Variants in AIF1L observed in about 807,000 individuals in gnomAD.
AIF1L encodes allograft inflammatory factor 1 like.
A neutral mutation model predicts 20.7 loss-of-function variants in AIF1L; 12 were observed. That is an observed-to-expected ratio of 0.58 (90% CI 0.37 to 0.94). AIF1L has a LOEUF of 0.94. Among genes scored for constraint, AIF1L ranks in the 40% least tolerant of loss-of-function variants. The probability of loss-of-function intolerance (pLI) is 0.01; values close to 1 mark genes in which losing one functional copy is unlikely to be tolerated. For missense variants in AIF1L, 173 were observed against 185.3 expected, an observed-to-expected ratio of 0.93 and a Z score of 0.39; for synonymous variants, 76 against 65.1, an observed-to-expected ratio of 1.17 and a Z score of -0.81.
chr9:131,118,195 T>C (rs1307173657), intron 5 of AIF1L, among the ~76,000 whole-genome samples: 2 of 152,008 alleles, frequency 1.3e-5, no homozygotes, highest in Non-Finnish European at 2.9e-5. Flanking sequence ...TGGGTTCAAG[T>C]GATTCTTCTG....
In AIF1L at chr9:131,121,029, G is replaced by A. The variant is rs1831125198; in HGVS notation, c.*707G>A. 1.4e-6 allele frequency: 1 copy of A among 689,744 alleles called. No individual in the cohort carries two copies. Among genetic ancestry groups the A allele is most frequent in the Admixed American group, 2.1e-5 (1 of 47,526 alleles). The allele number at this position is 689,744 out of a possible 1,614,324, so 42.7% of individuals were successfully genotyped here. A position where few individuals can be genotyped will look rare whatever the true frequency, so the allele number is the denominator to read the frequency against. On this transcript the variant is annotated 3_prime_UTR_variant, in exon 6 of 6. Coordinates refer to ENST00000247291, the MANE Select transcript of AIF1L (RefSeq NM_031426.4). ...GCGTGCAGCCCTACTGTCCCTTACT[G>A]GGGCAGCAGAGGGCTTCGGAGGCAG...
At chr9:131,110,686 A>G (rs528438429) in intron 2 of AIF1L, among the ~76,000 whole-genome samples, 3 of 151,516 alleles carry the variant, frequency 2.0e-5, no homozygotes, top group African/African-American at 4.8e-5. Flanking sequence ...GTATTTTTAT[A>G]GAGACGGGGT....
intron 4 of AIF1L, among the ~76,000 whole-genome samples, chr9:131,115,713 C>CCTGTAATCCCAG (rs1468375056): frequency 6.6e-6 from 1 of 151,630 alleles, no homozygotes; most frequent in Non-Finnish European, 1.5e-5. Flanking sequence ...GTGTCTCACG[C>CCTGTAATCCCAG]CTGTAATCCC....
intron 2 of AIF1L, 33 bp downstream of exon 2, chr9:131,096,896 C>T: frequency 1.3e-6 from 2 of 1,505,634 alleles, no homozygotes; most frequent in East Asian, 2.8e-5. Context: ...CACGCGAGTC[C>T]CGAGCCGCGC....
intron 2 of AIF1L, among the ~76,000 whole-genome samples, chr9:131,101,281 A>G (rs1199584605): frequency 3.9e-5 from 6 of 152,174 alleles, no homozygotes; most frequent in Non-Finnish European, 8.8e-5. Context: ...TGACCCCGCA[A>G]CAGGGCACCC....
chr9:131,097,769 C>T (rs534617551), intron 2 of AIF1L, among the ~76,000 whole-genome samples: 4 of 152,344 alleles, frequency 2.6e-5, no homozygotes, highest in South Asian at 2.1e-4. Context: ...CTCTGTGGTC[C>T]TCAGCAAAGG....
At position 131,121,866 on chromosome 9, in the gene AIF1L, T is replaced by G. The variant is rs1321742513; in HGVS notation, c.*1544T>G. On this transcript the variant is annotated 3_prime_UTR_variant, in exon 6 of 6. Transcript: ENST00000247291. ...ATGTCAAAGTCAGCCCCATCTTGGC[T>G]GATCAGGGTGTTCAGCCTTAACCCC... The G allele has an allele frequency of 1.3e-5, 2 of 152,322 alleles. No individual in the cohort carries two copies. The highest frequency in any genetic ancestry group is 4.8e-5 in the African/African-American group (2 of 41,474). The allele number at this position is 152,322 out of a possible 1,614,324, so 9.4% of individuals were successfully genotyped here. A position where few individuals can be genotyped will look rare whatever the true frequency, so the allele number is the denominator to read the frequency against.
intron 2 of AIF1L, among the ~76,000 whole-genome samples, chr9:131,104,545 T>A (rs1292190422): frequency 3.9e-5 from 6 of 152,106 alleles, no homozygotes; most frequent in African/African-American, 7.2e-5. Context: ...TTGAGCAACC[T>A]CTCTGGGCCT....
At chr9:131,109,964 C>T (rs942524078) in intron 2 of AIF1L, among the ~76,000 whole-genome samples, 1 of 152,134 alleles carries the variant, frequency 6.6e-6, no homozygotes, top group Admixed American at 6.5e-5. Flanking sequence ...AATCCCAGCA[C>T]TTTGGGAGGC....
chr9:131,117,251 C>A (rs1831036316), intron 4 of AIF1L, among the ~76,000 whole-genome samples: 1 of 152,202 alleles, frequency 6.6e-6, no homozygotes, highest in Non-Finnish European at 1.5e-5. Context: ...AAGCCACCTG[C>A]CACTCGGCAC....
chr9:131,096,956 T>TCTACC (rs1040842703), intron 2 of AIF1L, 93 bp downstream of exon 2: 208 of 1,326,834 alleles, frequency 1.6e-4, no homozygotes, highest in Non-Finnish European at 2.0e-4. Flanking sequence ...CGCCTCCAGA[T>TCTACC]CTACCCTCTT....
intron 5 of AIF1L, 67 bp from the exon 6 acceptor site, chr9:131,120,168 C>T (rs1831103613): frequency 6.7e-7 from 1 of 1,483,760 alleles, no homozygotes; most frequent in Admixed American, 1.8e-5. Flanking sequence ...ATGATCTTTC[C>T]CTGGATGAGG....
chr9:131,099,882 A>G (rs1427351920), intron 2 of AIF1L, among the ~76,000 whole-genome samples: 1 of 151,864 alleles, frequency 6.6e-6, no homozygotes, highest in Non-Finnish European at 1.5e-5. Context: ...GCTTGCCACC[A>G]CGCCCAGCTA....
At chr9:131,099,349 TTGCAGAC>T (rs1830591046) in intron 2 of AIF1L, among the ~76,000 whole-genome samples, 3 of 152,226 alleles carry the variant, frequency 2.0e-5, no homozygotes, top group Admixed American at 2.0e-4. Flanking sequence ...TGGAAGCTCT[TTGCAGAC>T]TGTGGGGGAG....
At chr9:131,096,765 G>C (rs985050074) in intron 1 of AIF1L, 37 bp from the exon 2 acceptor site, 2 of 1,512,796 alleles carry the variant, frequency 1.3e-6, no homozygotes, top group African/African-American at 2.9e-5. Context: ...GCCCGAAGAG[G>C]ACCCCGCTTC....
intron 5 of AIF1L, among the ~76,000 whole-genome samples, chr9:131,118,428 A>AT (rs1831062628): frequency 6.6e-6 from 1 of 151,822 alleles, no homozygotes; most frequent in Admixed American, 6.6e-5. Flanking sequence ...TGTAGGGGAA[A>AT]TTAGCTTGTA....
intron 2 of AIF1L, among the ~76,000 whole-genome samples, chr9:131,104,263 C>T (rs142416337): frequency 6.6e-6 from 1 of 152,346 alleles, no homozygotes; most frequent in East Asian, 1.9e-4. Flanking sequence ...CCAGCACTTT[C>T]TACTTTCTGC....
intron 5 of AIF1L, among the ~76,000 whole-genome samples, chr9:131,119,800 G>C (rs1341315806): frequency 6.6e-6 from 1 of 152,186 alleles, no homozygotes; most frequent in Non-Finnish European, 1.5e-5. Context: ...AGTTGCCCTA[G>C]AGGTTATACG....
rs950575022 is a variant in AIF1L at position 131,120,304 on chromosome 9, C to G, written c.435C>G (p.Asp145Glu). Residue 145 changes from aspartate to glutamate, a missense_variant, in exon 6 of 6, where the codon GAC becomes GAG. Asp to Glu is a conservative substitution (Grantham distance 45). Transcript: ENST00000247291. ...PKPVGPPPER[D>E]IASLP ...CAGTTGGCCCCCCTCCAGAGAGAGA[C>G]ATTGCTAGCCTGCCCTGAGGACCCC... 1.2e-6 allele frequency: 2 copies of G among 1,613,510 alleles called. No individual in the cohort carries two copies. Among genetic ancestry groups the G allele is most frequent in the Non-Finnish European group, 1.7e-6 (2 of 1,179,836 alleles).
Sources: gnomAD v4.1 joint callset for allele counts (sites outside exome capture counted in the v4.1 genomes callset) on GRCh38, gnomAD v4.1.1 for gene constraint, MANE v1.5 for transcripts, NCBI Gene and HGNC (gene_info 2026-07-23, HGNC 2026-07-21) for gene names.